The following GLS2 variants were observed in gnomAD, a reference collection of about 807,000 sequenced individuals.
GLS2 encodes the protein glutaminase 2.
A neutral mutation model predicts 79.0 loss-of-function variants in GLS2; 52 were observed. The observed-to-expected ratio is 0.66, with a 90% CI of 0.53 to 0.83. The LOEUF (loss-of-function observed/expected upper bound fraction) is 0.83, where lower values mean the gene tolerates loss of function less well. GLS2 is among the 40% of genes least tolerant of loss of function. GLS2 has a pLI of 0.00. For missense variants in GLS2, 561 were observed against 764.8 expected, an observed-to-expected ratio of 0.73 and a Z score of 3.14; for synonymous variants, 238 against 280.8, an observed-to-expected ratio of 0.85 and a Z score of 1.52.
chr12:56,486,786 G>C (rs1870718530), intron 1 of GLS2, among the ~76,000 whole-genome samples: 1 of 152,188 alleles, frequency 6.6e-6, no homozygotes, highest in African/African-American at 2.4e-5. Flanking sequence ...CTTGAACCCA[G>C]GAGGTGGAGA....
intron 1 of GLS2, among the ~76,000 whole-genome samples, chr12:56,487,096 T>A (rs1260453984): frequency 2.0e-5 from 3 of 152,104 alleles, no homozygotes; most frequent in Non-Finnish European, 2.9e-5. Flanking sequence ...CCTGCTACAG[T>A]AGAGCAGGGG....
intron 1 of GLS2, among the ~76,000 whole-genome samples, chr12:56,481,458 A>G (rs1366803699): frequency 1.3e-5 from 2 of 149,430 alleles, no homozygotes; most frequent in African/African-American, 2.5e-5. Context: ...CGCCTGCCTC[A>G]GTCTCCCAAA....
At position 56,475,111 on chromosome 12, in the gene GLS2, C is replaced by G; in HGVS notation, c.930-1G>C. The G allele has an allele frequency of 1.2e-6, 2 of 1,614,032 alleles. No individual in the cohort carries two copies. Among genetic ancestry groups the G allele is most frequent in the South Asian group, 2.2e-5 (2 of 91,086 alleles). ...CCCTGTTTCCTTCTCTGACTGGAAT[C>G]TGAAGCAAACACCCAATTTAGTACT... On this transcript the variant is annotated splice_acceptor_variant, in intron 9 of 17. Coordinates refer to ENST00000311966, the MANE Select transcript of GLS2 (RefSeq NM_013267.4). LOFTEE classifies it high-confidence loss of function.
chr12:56,480,528 T>G (rs1870199738), intron 1 of GLS2, 141 bp from the exon 2 acceptor site: 1 of 672,166 alleles, frequency 1.5e-6, no homozygotes, highest in Non-Finnish European at 2.7e-6. Flanking sequence ...TCCCTATAAA[T>G]CTAACTTTCA....
intron 12 of GLS2, 53 bp downstream of exon 12, chr12:56,474,491 T>C: frequency 9.3e-6 from 15 of 1,605,144 alleles, no homozygotes; most frequent in South Asian, 4.4e-5. Context: ...GTCAGTGTTC[T>C]CTCTTCTTAG....
chr12:56,475,871 G>T, intron 8 of GLS2, 74 bp downstream of exon 8: 1 of 1,531,116 alleles, frequency 6.5e-7, no homozygotes, highest in Non-Finnish European at 9.0e-7. Flanking sequence ...GGGTTAGAGA[G>T]CCACTGGGGC....
At chr12:56,476,954 C>T (rs1869882884) in intron 7 of GLS2, 1 of 152,204 alleles carries the variant, frequency 6.6e-6, no homozygotes, top group Admixed American at 6.5e-5. Context: ...GTCCCAGATA[C>T]AGGTTTGTAG....
At chr12:56,479,211 G>A in intron 3 of GLS2, 30 bp from the exon 4 acceptor site, 1 of 1,609,172 alleles carries the variant, frequency 6.2e-7, no homozygotes, top group Non-Finnish European at 8.5e-7. Context: ...GGATTAGGGG[G>A]CTAGAGAAAT....
At chr12:56,475,215 C>A in intron 9 of GLS2, 105 bp from the exon 10 acceptor site, 1 of 1,601,794 alleles carries the variant, frequency 6.2e-7, no homozygotes, top group South Asian at 1.1e-5. Flanking sequence ...ACACCACAAA[C>A]TAAATGAACC....
rs576409178 is a variant in GLS2 at position 56,487,837 on chromosome 12, G to A, written c.182+100C>T. The A allele has an allele frequency of 4.3e-5, 56 of 1,314,234 alleles. 1 individual carries two copies. In the East Asian group the frequency reaches 6.5e-4, roughly 15 times the overall value. The allele number at this position is 1,314,234 out of a possible 1,614,324, so 81.4% of individuals were successfully genotyped here. ...CGAGGGCTAGTGAGCGAGGAGAGGG[G>A]AGATGAGCGGCGCTGCCTTGGAAGG... On this transcript the variant is annotated intron_variant, in intron 1 of 17. Transcript: ENST00000311966.
chr12:56,487,998 T>C lies in GLS2; in HGVS notation c.121A>G (p.Ser41Gly). 6.2e-7 allele frequency: 1 copy of C among 1,600,806 alleles called. No individual in the cohort carries two copies. Among genetic ancestry groups the C allele is most frequent in the Non-Finnish European group, 8.5e-7 (1 of 1,179,346 alleles). ...TCTCTGCCCTGCGCCGCGGCCTCAC[T>C]GAGGTGGTGCCGGACGCCCCCGCCA... ...LLGGGVRHHL[S>G]EAAAQGRETP... Residue 41 changes from serine (S) to glycine (G), a missense_variant, in exon 1 of 18, where the codon AGT (serine) becomes GGT (glycine). By Grantham distance (56) the Ser-to-Gly change is moderately conservative (BLOSUM62 0). Transcript: ENST00000311966.
intron 7 of GLS2, chr12:56,476,543 C>G (rs978187732): frequency 2.6e-5 from 4 of 154,040 alleles, no homozygotes; most frequent in African/African-American, 9.7e-5. Context: ...CGCTTGAGAC[C>G]AGGGGTTTGA....
rs1358995129 is a variant in GLS2 at position 56,474,739 on chromosome 12, G to C, written c.1048-19C>G. The C allele has an allele frequency of 6.2e-7, 1 of 1,609,048 alleles. No individual in the cohort carries two copies. The highest frequency in any genetic ancestry group is 8.5e-7 in the Non-Finnish European group (1 of 1,176,688). ...AACACAGCTATGAAAACAAAGAATA[G>C]GTGAAGATGTGACGTGAACCTGCAC... is the stretch of plus-strand genomic sequence containing the variant. On this transcript the variant is annotated intron_variant, in intron 11 of 17. Coordinates refer to ENST00000311966, the MANE Select transcript of GLS2 (RefSeq NM_013267.4).
At chr12:56,479,410 A>T (rs1870105820) in intron 3 of GLS2, 3 of 493,402 alleles carry the variant, frequency 6.1e-6, no homozygotes, top group Non-Finnish European at 1.0e-5. Flanking sequence ...TATGAGAAAA[A>T]AAATAAATAC....
At chr12:56,474,919 C>T (rs1869665550) in intron 10 of GLS2, 23 bp from the exon 11 acceptor site, 2 of 1,613,958 alleles carry the variant, frequency 1.2e-6, no homozygotes, top group Non-Finnish European at 1.7e-6. Flanking sequence ...GAGGGGAGAG[C>T]ATTTCTCTTC....
At position 56,474,913 on chromosome 12, in the gene GLS2, G is replaced by A. The variant is rs1211808245; in HGVS notation, c.997-17C>T. The stretch of plus-strand genomic sequence containing the variant: ...AGGAAAGCACTGCAAGGAAGAGAGG[G>A]GAGAGCATTTCTCTTCAGGACATCA... On this transcript the variant is annotated splice_polypyrimidine_tract_variant and intron_variant, in intron 10 of 17. Transcript: ENST00000311966. The A allele has an allele frequency of 6.2e-7, 1 of 1,613,936 alleles. No individual in the cohort carries two copies. The highest frequency in any genetic ancestry group is 2.2e-5 in the East Asian group (1 of 44,886).
intron 16 of GLS2, 109 bp downstream of exon 16, chr12:56,472,010 C>A: frequency 7.5e-7 from 1 of 1,339,418 alleles, no homozygotes; most frequent in Non-Finnish European, 1.1e-6. Context: ...CTAGATAAAA[C>A]TAGTTGCTGC....
At position 56,474,556 on chromosome 12, in the gene GLS2, CTG is replaced by C. The variant is rs1304922312; in HGVS notation, c.1210_1211del (p.Gln404ValfsTer42). On this transcript the variant is annotated frameshift_variant, in exon 12 of 18. Transcript: ENST00000311966. LOFTEE classifies it high-confidence loss of function. ...GCCAGAAACTCACGTGGAAGGCAAA[CTG>C]GCCAGAGAAGTCATACATGCCGCAG... Reference protein sequence around the residue: ...HSCGMYDFSGQFAFHVGLPAK... With the variant: ...HSCGMYDFSGXFAFHVGLPAK... 6.2e-7 allele frequency: 1 copy of C among 1,613,904 alleles called. No individual in the cohort carries two copies. The highest frequency in any genetic ancestry group is 2.2e-5 in the East Asian group (1 of 44,896).
At chr12:56,485,215 T>G (rs896449511) in intron 1 of GLS2, among the ~76,000 whole-genome samples, 4 of 152,208 alleles carry the variant, frequency 2.6e-5, no homozygotes, top group African/African-American at 9.6e-5. Context: ...ATTGGTTATC[T>G]CTAATACTGG....
Sources: gnomAD v4.1 joint callset for allele counts (sites outside exome capture counted in the v4.1 genomes callset) on GRCh38, gnomAD v4.1.1 for gene constraint, MANE v1.5 for transcripts, NCBI Gene and HGNC (gene_info 2026-07-23, HGNC 2026-07-21) for gene names.